The following PDIA5 variants were observed in gnomAD, a reference collection of about 807,000 sequenced individuals.
PDIA5 encodes protein disulfide-isomerase A5.
PDIA5 carries 58 observed loss-of-function variants against 77.6 expected under a neutral mutation model. The ratio of observed to expected loss-of-function variants is 0.75; its 90% confidence interval spans 0.61 to 0.93. The LOEUF (loss-of-function observed/expected upper bound fraction) is 0.93, where lower values mean the gene tolerates loss of function less well. PDIA5 is among the 40% of genes least tolerant of loss of function. The probability of loss-of-function intolerance (pLI) is 0.00; values close to 1 mark genes in which losing one functional copy is unlikely to be tolerated. For synonymous variants in PDIA5, 250 were observed against 252.1 expected, an observed-to-expected ratio of 0.99 and a Z score of 0.08; for missense variants, 630 against 647.7, an observed-to-expected ratio of 0.97 and a Z score of 0.30.
At position 123,102,474 on chromosome 3, in the gene PDIA5, G is replaced by C. The variant is rs1160090278; in HGVS notation, c.321G>C (p.Lys107Asn). The stretch of plus-strand genomic sequence containing the variant: ...TTGACCTGAGCCCGAAGGACAAAAA[G>C]GTTGAATTATTCCATTACCAGTAAG... Reference protein sequence around the residue: ...MKVDLSPKDKKVELFHYQDGA... With the variant: ...MKVDLSPKDKNVELFHYQDGA... The change falls in exon 4 of 17, where the codon AAG (lysine) becomes AAC (asparagine). Residue 107 changes from lysine (K) to asparagine (N), a missense_variant. Coordinates refer to ENST00000316218, the MANE Select transcript of PDIA5 (RefSeq NM_006810.4). 1 of 1,613,612 alleles carries C rather than the reference G, an allele frequency of 6.2e-7. No homozygotes were observed. Among genetic ancestry groups the C allele is most frequent in the East Asian group, 2.2e-5 (1 of 44,902 alleles).
At chr3:123,121,251 G>A (rs1196662370) in intron 8 of PDIA5, among the ~76,000 whole-genome samples, 6 of 152,162 alleles carry the variant, frequency 3.9e-5, no homozygotes. Context: ...TCCTCTGAGT[G>A]CAAGCTCACA....
chr3:123,072,173 C>T (rs1353271324), intron 1 of PDIA5, among the ~76,000 whole-genome samples: 1 of 152,148 alleles, frequency 6.6e-6, no homozygotes, highest in Non-Finnish European at 1.5e-5. Context: ...CCTTACTTTC[C>T]TCTCTGTTAT....
rs1934181504 is a variant in PDIA5, at chr3:123,087,881, G to C, written c.43-1287G>C. On this transcript the variant is annotated intron_variant, in intron 1 of 16. Coordinates refer to ENST00000316218, the MANE Select transcript of PDIA5 (RefSeq NM_006810.4). Reference sequence around the variant, plus strand: ...TTCAATTGAGGATCTCCAAATCACTGTCTTTAGGTTGTTTTTCTTATGCTC... The same window carrying C: ...TTCAATTGAGGATCTCCAAATCACTCTCTTTAGGTTGTTTTTCTTATGCTC... Among the ~76,000 whole-genome samples the C allele has an allele frequency of 2.0e-5, 3 of 152,170 alleles. No homozygotes were observed. The South Asian group carries it at 6.2e-4, about 32-fold the overall frequency.
intron 2 of PDIA5, among the ~76,000 whole-genome samples, chr3:123,089,716 G>T (rs1433670641): frequency 1.3e-5 from 2 of 152,264 alleles, no homozygotes; most frequent in East Asian, 1.9e-4. Context: ...CAGCTGAATG[G>T]GTCCCAGGCT....
chr3:123,098,408 C>T (rs1163101197), intron 3 of PDIA5, among the ~76,000 whole-genome samples: 2 of 152,100 alleles, frequency 1.3e-5, no homozygotes, highest in African/African-American at 4.8e-5. Context: ...GGCCTGACTC[C>T]CAGGAGTGTG....
At chr3:123,099,397 C>A (rs1934525644) in intron 3 of PDIA5, among the ~76,000 whole-genome samples, 1 of 152,216 alleles carries the variant, frequency 6.6e-6, no homozygotes, top group South Asian at 2.1e-4. Context: ...GTTTCTGGAG[C>A]CAGTGGCCCT....
chr3:123,111,646 G>A (rs1323609463), intron 7 of PDIA5, among the ~76,000 whole-genome samples: 1 of 152,238 alleles, frequency 6.6e-6, no homozygotes, highest in Non-Finnish European at 1.5e-5. Context: ...TTCCTCACTA[G>A]GTCTCAGTTT....
At chr3:123,093,122 A>G (rs1934342404) in intron 3 of PDIA5, among the ~76,000 whole-genome samples, 1 of 152,190 alleles carries the variant, frequency 6.6e-6, no homozygotes, top group Admixed American at 6.5e-5. Flanking sequence ...TTTTTGGGAC[A>G]TAACTGATTT....
intron 1 of PDIA5, among the ~76,000 whole-genome samples, chr3:123,085,179 G>A (rs78022158): frequency 1.9e-3 from 289 of 152,360 alleles, no homozygotes; most frequent in South Asian, 6.0e-3. Context: ...TGTGGTAACA[G>A]TGTAATTTGT....
chr3:123,079,430 TC>T (rs1933938599), intron 1 of PDIA5, among the ~76,000 whole-genome samples: 1 of 152,184 alleles, frequency 6.6e-6, no homozygotes, highest in Non-Finnish European at 1.5e-5. Context: ...TCCGCCCACC[TC>T]GGCCTCCCAA....
chr3:123,121,043 A>G (rs1382872158), intron 8 of PDIA5, among the ~76,000 whole-genome samples: 1 of 152,194 alleles, frequency 6.6e-6, no homozygotes, highest in Non-Finnish European at 1.5e-5. Context: ...CTTCCTGAAT[A>G]CAGTCCCGAT....
chr3:123,108,711 C>T (rs1271407456), intron 6 of PDIA5, among the ~76,000 whole-genome samples: 2 of 151,642 alleles, frequency 1.3e-5, no homozygotes, highest in African/African-American at 4.8e-5. Flanking sequence ...CATGGTGAAA[C>T]TCCGTCTCTA....
At chr3:123,126,890 G>A (rs1935255181) in intron 10 of PDIA5, among the ~76,000 whole-genome samples, 1 of 152,214 alleles carries the variant, frequency 6.6e-6, no homozygotes. Context: ...CCTGGCATCT[G>A]AGTGTATGAG....
At chr3:123,085,941 G>A (rs1447028930) in intron 1 of PDIA5, among the ~76,000 whole-genome samples, 11 of 152,186 alleles carry the variant, frequency 7.2e-5, no homozygotes, top group Non-Finnish European at 1.3e-4. Context: ...GGGAGTAGTA[G>A]GATAACATGT....
intron 7 of PDIA5, among the ~76,000 whole-genome samples, 155 bp downstream of exon 7, chr3:123,111,159 A>G (rs1934855167): frequency 6.6e-6 from 1 of 151,876 alleles, no homozygotes; most frequent in Non-Finnish European, 1.5e-5. Context: ...CTTTTCCTTC[A>G]TCTTTGCCTT....
intron 1 of PDIA5, among the ~76,000 whole-genome samples, chr3:123,070,503 G>A (rs1269980263): frequency 6.6e-6 from 1 of 152,204 alleles, no homozygotes; most frequent in Non-Finnish European, 1.5e-5. Flanking sequence ...AAGAATACTG[G>A]GGAGGAAGGT....
Position 123,130,494 on chromosome 3 carries a change from A to G in PDIA5, c.788A>G (p.Gln263Arg), listed in dbSNP as rs769996335. The change falls in exon 11 of 17, where the codon CAG becomes CGG. Residue 263 changes from glutamine to arginine, a missense_variant. By Grantham distance (43) the Gln-to-Arg change is conservative. Coordinates refer to ENST00000316218, the MANE Select transcript of PDIA5 (RefSeq NM_006810.4). ...VEWLKNPQPP[Q>R]PQVPETPWAD... ...TGGTCTTCCAGTCCGCAGCCGCCAC[A>G]GCCCCAGGTCCCTGAGACTCCCTGG... The G allele has an allele frequency of 4.0e-5, 64 of 1,613,742 alleles. No homozygotes were observed. The highest frequency in any genetic ancestry group is 5.1e-5 in the Non-Finnish European group (60 of 1,179,846).
chr3:123,067,882 C>T (rs563303056), intron 1 of PDIA5, among the ~76,000 whole-genome samples: 38 of 152,016 alleles, frequency 2.5e-4, no homozygotes, highest in Admixed American at 2.4e-3. Flanking sequence ...GCAAAGCTAC[C>T]CCCATAGGGT....
chr3:123,077,549 T>TAC (rs368009624), intron 1 of PDIA5, among the ~76,000 whole-genome samples: 9,394 of 136,438 alleles, frequency 0.069, 440 homozygotes, highest in African/African-American at 0.14. Flanking sequence ...CTCACACACA[T>TAC]ACACACACAC....
Sources: allele counts gnomAD v4.1 joint callset (sites outside exome capture counted in the v4.1 genomes callset), GRCh38; gene constraint gnomAD v4.1.1; transcripts MANE v1.5; gene names NCBI Gene and HGNC (gene_info 2026-07-23, HGNC 2026-07-21).